The following CATSPERT variants were observed in gnomAD, a reference collection of about 807,000 sequenced individuals.
CATSPERT encodes catsper channel auxiliary subunit tau, also known as cation channel sperm-associated targeting subunit tau.
chr2:201,589,914 AAAAC>A, the CATSPERT span, among the ~76,000 whole-genome samples: 2 of 152,092 alleles, frequency 1.3e-5, no homozygotes, highest in Admixed American at 6.6e-5. Context: ...TTACAAGAAA[AAAAC>A]AAACAACCCC....
At chr2:201,571,481 T>C in the CATSPERT span, among the ~76,000 whole-genome samples, 1 of 152,320 alleles carries the variant, frequency 6.6e-6, no homozygotes, top group East Asian at 1.9e-4. Flanking sequence ...TAATGACATT[T>C]GTTTTACCAT....
the CATSPERT span, among the ~76,000 whole-genome samples, chr2:201,545,362 G>A: frequency 6.6e-6 from 1 of 151,862 alleles, no homozygotes; most frequent in Non-Finnish European, 1.5e-5. Flanking sequence ...ACTCGTAATA[G>A]GGTCTAACAC....
the CATSPERT span, among the ~76,000 whole-genome samples, chr2:201,608,178 T>G: frequency 6.6e-6 from 1 of 152,138 alleles, no homozygotes. Context: ...GACAGGGTCT[T>G]GCTTTGTCAC....
At chr2:201,582,266 T>A in the CATSPERT span, 4 of 1,533,316 alleles carry the variant, frequency 2.6e-6, no homozygotes, top group African/African-American at 5.6e-5. Context: ...TGAGCCTAAA[T>A]ATTTCTGAAC....
At chr2:201,521,894 A>T in the CATSPERT span, among the ~76,000 whole-genome samples, 1 of 152,242 alleles carries the variant, frequency 6.6e-6, no homozygotes, top group South Asian at 2.1e-4. Flanking sequence ...AAACCATATG[A>T]TTATCTCAAT....
the CATSPERT span, chr2:201,574,119 A>T: frequency 1.1e-6 from 1 of 890,350 alleles, no homozygotes; most frequent in Non-Finnish European, 1.6e-6. Flanking sequence ...TTTATTTTAA[A>T]CAATTGTTCA....
At chr2:201,613,116 C>T in the CATSPERT span, among the ~76,000 whole-genome samples, 2 of 152,362 alleles carry the variant, frequency 1.3e-5, no homozygotes, top group African/African-American at 2.4e-5. Flanking sequence ...TAGACTCCAC[C>T]TCTGGGGGGC....
At chr2:201,561,662 A>C in the CATSPERT span, among the ~76,000 whole-genome samples, 8 of 152,314 alleles carry the variant, frequency 5.3e-5, no homozygotes, top group South Asian at 1.5e-3. Context: ...ATTTGAGGTC[A>C]GAAGTTCGAG....
the CATSPERT span, among the ~76,000 whole-genome samples, chr2:201,539,007 T>C: frequency 3.9e-5 from 6 of 152,342 alleles, no homozygotes; most frequent in South Asian, 2.1e-4. Flanking sequence ...TCATTCTTTT[T>C]ATGGCTGCAT....
At chr2:201,492,258 T>C in the CATSPERT span, 5 of 1,522,712 alleles carry the variant, frequency 3.3e-6, no homozygotes, top group Non-Finnish European at 4.4e-6. Context: ...TTATATATTT[T>C]AATGGTATAG....
the CATSPERT span, among the ~76,000 whole-genome samples, chr2:201,508,950 C>CACGAGAATTGCCTGAACCTGG: frequency 1.3e-5 from 2 of 151,162 alleles, no homozygotes; most frequent in African/African-American, 4.9e-5. Context: ...CATGGGTGTG[C>CACGAGAATTGCCTGAACCTGG]GAAATTTCTT....
chr2:201,578,824 C>T, the CATSPERT span, among the ~76,000 whole-genome samples: 1 of 152,108 alleles, frequency 6.6e-6, no homozygotes, highest in African/African-American at 2.4e-5. Context: ...AGTAATGTCA[C>T]ATTTTTTGAT....
the CATSPERT span, among the ~76,000 whole-genome samples, chr2:201,501,186 A>G: frequency 1.6e-4 from 25 of 151,878 alleles, no homozygotes; most frequent in East Asian, 4.5e-3. Flanking sequence ...ATCACCTGAG[A>G]TCGGGAGTTC....
chr2:201,540,678 T>C, the CATSPERT span, among the ~76,000 whole-genome samples: 1 of 152,234 alleles, frequency 6.6e-6, no homozygotes, highest in Non-Finnish European at 1.5e-5. Context: ...CACCTGGTCA[T>C]CCAAGAGCTC....
the CATSPERT span, among the ~76,000 whole-genome samples, chr2:201,605,231 C>T: frequency 6.6e-6 from 1 of 152,060 alleles, no homozygotes; most frequent in African/African-American, 2.4e-5. Flanking sequence ...AAAGGAAGCA[C>T]AGACAAAATC....
At chr2:201,523,204 C>G in the CATSPERT span, among the ~76,000 whole-genome samples, 1 of 152,198 alleles carries the variant, frequency 6.6e-6, no homozygotes, top group Non-Finnish European at 1.5e-5. Context: ...GCAGACCCCA[C>G]TGACGTCACT....
the CATSPERT span, chr2:201,494,871 T>A: frequency 1.1e-6 from 1 of 951,950 alleles, no homozygotes. Context: ...TTCAGTCTCC[T>A]ACCCTCCACA....
chr2:201,490,413 T>C, the CATSPERT span, among the ~76,000 whole-genome samples: 1 of 152,218 alleles, frequency 6.6e-6, no homozygotes, highest in Non-Finnish European at 1.5e-5. Context: ...TATATCTCTA[T>C]GAAAAGAAAA....
chr2:201,601,937 T>C, the CATSPERT span: 1 of 1,346,824 alleles, frequency 7.4e-7, no homozygotes, highest in Non-Finnish European at 1.0e-6. Context: ...TGAACAATAA[T>C]ACATTATAAA....
Sources: allele counts gnomAD v4.1 joint callset (sites outside exome capture counted in the v4.1 genomes callset), GRCh38; gene constraint gnomAD v4.1.1; transcripts MANE v1.5; gene names NCBI Gene and HGNC (gene_info 2026-07-23, HGNC 2026-07-21).